Variants in OSBPL8 observed in about 807,000 individuals in gnomAD.
OSBPL8 encodes oxysterol-binding protein-related protein 8.
OSBPL8 carries 59 observed loss-of-function variants against 125.5 expected under a neutral mutation model. The ratio of observed to expected loss-of-function variants is 0.47; its 90% confidence interval spans 0.38 to 0.58. OSBPL8 has a LOEUF of 0.58. Among genes scored for constraint, OSBPL8 ranks in the 20% least tolerant of loss-of-function variants. The pLI is 0.00. For missense variants in OSBPL8, 758 were observed against 1,047.8 expected (o/e 0.72, Z 3.82); for synonymous variants, 330 against 338.9 (o/e 0.97, Z 0.29).
chr12:76,462,998 T>C (rs1874934080), intron 2 of OSBPL8, among the ~76,000 whole-genome samples: 1 of 152,100 alleles, frequency 6.6e-6, no homozygotes, highest in Non-Finnish European at 1.5e-5. Flanking sequence ...AGTCAAAACT[T>C]TGGTTTTATT....
rs758339934 is a variant in OSBPL8 at position 76,504,191 on chromosome 12, GACCT to G, written c.-67-16577_-67-16574del. Reference sequence around the variant, plus strand: ...CAATTTGGTGGGTTTCCAGCCTGTTGACCTACCCTGCAAATTTCATACTTGCTAG... The same window carrying G: ...CAATTTGGTGGGTTTCCAGCCTGTTGACCCTGCAAATTTCATACTTGCTAG... On this transcript the variant is annotated intron_variant, in intron 1 of 23. Coordinates refer to ENST00000261183, the MANE Select transcript of OSBPL8 (RefSeq NM_020841.5). 5.9e-3 allele frequency among the ~76,000 whole-genome samples: 898 copies of G among 151,476 alleles called. 3 individuals are homozygous for G. Among genetic ancestry groups the G allele is most frequent in the Non-Finnish European group, 9.6e-3 (652 of 67,926 alleles).
chr12:76,374,309 G>T (rs11110681), intron 17 of OSBPL8, among the ~76,000 whole-genome samples: 2 of 151,886 alleles, frequency 1.3e-5, no homozygotes, highest in African/African-American at 2.4e-5. Context: ...TTGACAATAC[G>T]TACCCTCTCC....
chr12:76,549,778 T>C (rs1012664699), intron 1 of OSBPL8, among the ~76,000 whole-genome samples: 1 of 152,160 alleles, frequency 6.6e-6, no homozygotes, highest in Admixed American at 6.6e-5. Context: ...ACTAACAATA[T>C]TGTACCCAGC....
chr12:76,494,797 T>C (rs749187187), intron 1 of OSBPL8, among the ~76,000 whole-genome samples: 2 of 152,156 alleles, frequency 1.3e-5, no homozygotes, highest in Non-Finnish European at 2.9e-5. Context: ...GATATGTCTA[T>C]TTCATATTCG....
At chr12:76,456,518 T>C (rs1269714972) in intron 3 of OSBPL8, among the ~76,000 whole-genome samples, 2 of 151,846 alleles carry the variant, frequency 1.3e-5, no homozygotes, top group South Asian at 2.1e-4. Context: ...GGCATGGTGG[T>C]GCACGCCTGT....
intron 2 of OSBPL8, among the ~76,000 whole-genome samples, chr12:76,466,765 C>A (rs1393187722): frequency 6.6e-6 from 1 of 152,074 alleles, no homozygotes; most frequent in Non-Finnish European, 1.5e-5. Context: ...TCGAGAACAG[C>A]CTGGCCAACC....
chr12:76,403,801 A>G (rs921304716), intron 5 of OSBPL8, among the ~76,000 whole-genome samples: 11 of 152,284 alleles, frequency 7.2e-5, no homozygotes, highest in African/African-American at 2.6e-4. Flanking sequence ...AAGGATACAC[A>G]CCTTTGTATA....
intron 21 of OSBPL8, 131 bp downstream of exon 21, chr12:76,369,083 G>A: frequency 2.5e-6 from 3 of 1,205,224 alleles, no homozygotes; most frequent in Non-Finnish European, 3.3e-6. Flanking sequence ...TTTGGGGTAA[G>A]AAGAGTTCAG....
At chr12:76,502,078 C>T (rs1392282644) in intron 1 of OSBPL8, among the ~76,000 whole-genome samples, 3 of 152,188 alleles carry the variant, frequency 2.0e-5, no homozygotes, top group Non-Finnish European at 2.9e-5. Context: ...TTTGACAGAA[C>T]AGTGGGGTGG....
At chr12:76,367,248 G>A (rs962162725) in intron 21 of OSBPL8, among the ~76,000 whole-genome samples, 12 of 151,944 alleles carry the variant, frequency 7.9e-5, no homozygotes, top group African/African-American at 2.9e-4. Context: ...GTGTGTGTGT[G>A]TGTGTGTGTA....
intron 2 of OSBPL8, among the ~76,000 whole-genome samples, chr12:76,465,996 T>C (rs1284890499): frequency 6.6e-6 from 1 of 151,868 alleles, no homozygotes; most frequent in Non-Finnish European, 1.5e-5. Flanking sequence ...AGCAAGACTC[T>C]GTCTCAAAAA....
chr12:76,412,232 A>T (rs552418972), intron 4 of OSBPL8, among the ~76,000 whole-genome samples: 1 of 151,990 alleles, frequency 6.6e-6, no homozygotes, highest in East Asian at 1.9e-4. Context: ...TCTCCCCATT[A>T]AAAAAAAGTA....
At chr12:76,356,135 GCTGGGTCA>G in intron 23 of OSBPL8, 114 bp from the exon 24 acceptor site, 1 of 540,566 alleles carries the variant, frequency 1.8e-6, no homozygotes, top group Non-Finnish European at 2.8e-6. Flanking sequence ...ATTTTTAGTT[GCTGGGTCA>G]TGGGGTGGTA....
chr12:76,559,506 C>T lies in OSBPL8; in HGVS notation c.-177G>A, dbSNP rs1951211615. On this transcript the variant is annotated 5_prime_UTR_variant, in exon 1 of 24. Coordinates refer to ENST00000261183, the MANE Select transcript of OSBPL8 (RefSeq NM_020841.5). ...CGTCTAGTCAGACCCCAACTTCTCT[C>T]GGCCGCTGTCGTCGGCGGCAGCTGG... 1 of 152,150 alleles carries T rather than the reference C, an allele frequency of 6.6e-6. No homozygotes were observed. Among genetic ancestry groups the T allele is most frequent in the African/African-American group, 2.4e-5 (1 of 41,426 alleles). The allele number at this position is 152,150 out of a possible 1,614,324, so 9.4% of individuals were successfully genotyped here. A position where few individuals can be genotyped will look rare whatever the true frequency, so the allele number is the denominator to read the frequency against.
At chr12:76,541,068 C>T (rs1178676111) in intron 1 of OSBPL8, among the ~76,000 whole-genome samples, 2 of 152,196 alleles carry the variant, frequency 1.3e-5, no homozygotes, top group East Asian at 3.8e-4. Flanking sequence ...TCCCTAGTGC[C>T]CCAGCTTCTC....
intron 2 of OSBPL8, chr12:76,485,933 T>TA (rs141006437): frequency 5.3e-5 from 17 of 322,670 alleles, no homozygotes; most frequent in Admixed American, 8.1e-5. Flanking sequence ...CCATTAGATA[T>TA]AAAAAAAGGT....
intron 4 of OSBPL8, among the ~76,000 whole-genome samples, chr12:76,449,348 T>A (rs1395812089): frequency 6.6e-6 from 1 of 152,202 alleles, no homozygotes; most frequent in Non-Finnish European, 1.5e-5. Flanking sequence ...ACAAAACTTA[T>A]CAATTATGAA....
At chr12:76,396,650 G>A (rs1442214383) in intron 8 of OSBPL8, among the ~76,000 whole-genome samples, 4 of 152,170 alleles carry the variant, frequency 2.6e-5, no homozygotes, top group Middle Eastern at 3.4e-3. Flanking sequence ...GCTACTTGGG[G>A]GGCTGCGGTG....
In OSBPL8 at chr12:76,394,827, TATGGA is replaced by T. The variant is rs1953724461; in HGVS notation, c.673-103_673-99del. 4 of 808,436 alleles carry T rather than the reference TATGGA, an allele frequency of 4.9e-6. No individual in the cohort carries two copies. In the South Asian group the frequency reaches 9.2e-5, roughly 19 times the overall value. 50.1% of individuals were successfully genotyped at this position (808,436 alleles called of 1,614,324 possible). ...ATTATCTGTAATAATCTAAATCAGG[TATGGA>T]TTATAATCTAAAGGCAAATGAGCTT... On this transcript the variant is annotated intron_variant, in intron 8 of 23. Transcript: ENST00000261183.
Sources: gnomAD v4.1 joint callset for allele counts (sites outside exome capture counted in the v4.1 genomes callset) on GRCh38, gnomAD v4.1.1 for gene constraint, MANE v1.5 for transcripts, NCBI Gene and HGNC (gene_info 2026-07-23, HGNC 2026-07-21) for gene names.